EPB41L3: variants seen among roughly 807,000 people sequenced by gnomAD.
EPB41L3 encodes band 4.1-like protein 3.
A neutral mutation model predicts 127.1 loss-of-function variants in EPB41L3; 57 were observed. The observed-to-expected ratio is 0.45, with a 90% CI of 0.36 to 0.56. The LOEUF is 0.56. Among genes scored for constraint, EPB41L3 ranks in the 20% least tolerant of loss-of-function variants. The pLI is 0.00. For missense variants in EPB41L3, 1,273 were observed against 1,372.2 expected, an observed-to-expected ratio of 0.93 and a Z score of 1.14; for synonymous variants, 572 against 549.5, an observed-to-expected ratio of 1.04 and a Z score of -0.57.
intron 3 of EPB41L3, among the ~76,000 whole-genome samples, chr18:5,579,643 A>G (rs2094372149): frequency 6.6e-6 from 1 of 152,202 alleles, no homozygotes; most frequent in Admixed American, 6.5e-5. Context: ...AGTTACTCCC[A>G]TTCTCTCATG....
chr18:5,603,852 T>C (rs961934803), intron 3 of EPB41L3, among the ~76,000 whole-genome samples: 1 of 152,066 alleles, frequency 6.6e-6, no homozygotes, highest in Admixed American at 6.6e-5. Flanking sequence ...GGTAACAAAG[T>C]GAGGCCTTGT....
intron 3 of EPB41L3, among the ~76,000 whole-genome samples, chr18:5,569,285 T>A (rs773621991): frequency 2.0e-5 from 3 of 152,280 alleles, no homozygotes; most frequent in Non-Finnish European, 4.4e-5. Flanking sequence ...GTATTTATTA[T>A]ACAAACTTAA....
At chr18:5,591,417 A>C (rs2094484837) in intron 3 of EPB41L3, among the ~76,000 whole-genome samples, 1 of 152,190 alleles carries the variant, frequency 6.6e-6, no homozygotes, top group Non-Finnish European at 1.5e-5. Context: ...GTCCACATAC[A>C]GTGCAAGGGG....
chr18:5,511,632 T>C (rs1193347203), intron 1 of EPB41L3, among the ~76,000 whole-genome samples: 2 of 152,098 alleles, frequency 1.3e-5, no homozygotes, highest in Non-Finnish European at 2.9e-5. Flanking sequence ...TTAAGAGTAA[T>C]TTTCAGAGAG....
At chr18:5,617,454 G>T (rs28533678) in intron 1 of EPB41L3, among the ~76,000 whole-genome samples, 2 of 152,002 alleles carry the variant, frequency 1.3e-5, no homozygotes, top group African/African-American at 4.8e-5. Context: ...AAGCAGCTGG[G>T]ACCACAGGCG....
intron 1 of EPB41L3, among the ~76,000 whole-genome samples, chr18:5,499,105 CG>C (rs113586534): frequency 0.18 from 27,640 of 152,056 alleles, 2,657 homozygotes; most frequent in African/African-American, 0.24. Context: ...GCTAGTCACT[CG>C]GAAGACACAG....
intron 3 of EPB41L3, among the ~76,000 whole-genome samples, chr18:5,558,489 A>G (rs1207573389): frequency 6.6e-6 from 1 of 152,214 alleles, no homozygotes; most frequent in Non-Finnish European, 1.5e-5. Context: ...TCCAGACACC[A>G]TTATACTTTT....
chr18:5,432,795 T>A (rs1014207378), intron 8 of EPB41L3, among the ~76,000 whole-genome samples: 3 of 152,316 alleles, frequency 2.0e-5, no homozygotes, highest in Middle Eastern at 3.4e-3. Context: ...TAACATTTCA[T>A]CGATCACCAG....
intron 1 of EPB41L3, chr18:5,539,604 A>G (rs751226042): frequency 6.6e-6 from 1 of 152,234 alleles, no homozygotes; most frequent in Non-Finnish European, 1.5e-5. Flanking sequence ...GAGCTCCTAC[A>G]TACATAATAC....
At chr18:5,579,743 T>C (rs1042224779) in intron 3 of EPB41L3, among the ~76,000 whole-genome samples, 3 of 152,162 alleles carry the variant, frequency 2.0e-5, no homozygotes, top group African/African-American at 7.2e-5. Context: ...ATATTACCAA[T>C]CTGACAGAGA....
At chr18:5,482,336 G>A (rs2088734421) in intron 2 of EPB41L3, among the ~76,000 whole-genome samples, 1 of 152,050 alleles carries the variant, frequency 6.6e-6, no homozygotes, top group South Asian at 2.1e-4. Context: ...TGAACAAAAA[G>A]GAACAGAGTG....
chr18:5,412,699 C>T (rs190847205), intron 13 of EPB41L3, among the ~76,000 whole-genome samples: 46 of 152,196 alleles, frequency 3.0e-4, no homozygotes, highest in African/African-American at 1.1e-3. Flanking sequence ...AAAGGTTTAA[C>T]GTCAGATGAA....
At chr18:5,542,892 G>C (rs567955508) in intron 1 of EPB41L3, among the ~76,000 whole-genome samples, 9 of 152,314 alleles carry the variant, frequency 5.9e-5, no homozygotes, top group Non-Finnish European at 1.3e-4. Context: ...AGATTAGAGG[G>C]GAAATCCGAA....
intron 6 of EPB41L3, among the ~76,000 whole-genome samples, chr18:5,437,356 A>T (rs543096809): frequency 3.9e-5 from 6 of 152,202 alleles, no homozygotes; most frequent in African/African-American, 7.2e-5. Context: ...CCAGGACCTG[A>T]CCTGCGGGCA....
Position 5,395,801 on chromosome 18 carries a change from T to A in EPB41L3, c.2974-94A>T, listed in dbSNP as rs147764478. 341 of 890,512 alleles carry A rather than the reference T, an allele frequency of 3.8e-4. 6 individuals carry two copies. In the East Asian group the frequency reaches 8.1e-3, roughly 21 times the overall value. 55.2% of individuals were successfully genotyped at this position (890,512 alleles called of 1,614,324 possible). ...ATTTAAGGCATTACGACAATTTCAC[T>A]ATCTCCTATTATGCAATCATTATGC... On this transcript the variant is annotated intron_variant, in intron 19 of 22. Coordinates refer to ENST00000341928, the MANE Select transcript of EPB41L3 (RefSeq NM_012307.5).
At chr18:5,562,843 C>T (rs945186447) in intron 3 of EPB41L3, among the ~76,000 whole-genome samples, 2 of 152,172 alleles carry the variant, frequency 1.3e-5, no homozygotes, top group African/African-American at 4.8e-5. Context: ...CAGCCTTCTT[C>T]GGATGTTTAT....
At chr18:5,561,361 A>G (rs2094133779) in intron 3 of EPB41L3, among the ~76,000 whole-genome samples, 1 of 152,180 alleles carries the variant, frequency 6.6e-6, no homozygotes, top group Non-Finnish European at 1.5e-5. Flanking sequence ...TGCTTTAAAA[A>G]GGGGACAGGG....
At chr18:5,578,786 G>T (rs1034032000) in intron 3 of EPB41L3, among the ~76,000 whole-genome samples, 6 of 152,178 alleles carry the variant, frequency 3.9e-5, no homozygotes. Flanking sequence ...CCAGGTGTTG[G>T]AAGGAATGTG....
At chr18:5,498,016 T>C (rs2091339937) in intron 1 of EPB41L3, among the ~76,000 whole-genome samples, 1 of 152,242 alleles carries the variant, frequency 6.6e-6, no homozygotes, top group Non-Finnish European at 1.5e-5. Flanking sequence ...ATGTGGTCTG[T>C]ACAAGAATTC....
Sources: allele counts gnomAD v4.1 joint callset (sites outside exome capture counted in the v4.1 genomes callset), GRCh38; gene constraint gnomAD v4.1.1; transcripts MANE v1.5; gene names NCBI Gene and HGNC (gene_info 2026-07-23, HGNC 2026-07-21).